The following BID variants were observed in gnomAD, a reference collection of about 807,000 sequenced individuals.
BID encodes BH3-interacting domain death agonist.
BID carries 19 observed loss-of-function variants against 17.4 expected under a neutral mutation model. The ratio of observed to expected loss-of-function variants is 1.09; its 90% CI spans 0.76 to 1.60. BID has a LOEUF of 1.60. Ranked by LOEUF, BID falls within the 40% of genes most tolerant of loss-of-function variation. BID has a pLI of 0.00. For synonymous variants in BID, 108 were observed against 102.8 expected, an observed-to-expected ratio of 1.05 and a Z score of -0.31; for missense variants, 226 against 256.0, an observed-to-expected ratio of 0.88 and a Z score of 0.80.
At chr22:17,763,963 C>A (rs2145916196) in intron 1 of BID, among the ~76,000 whole-genome samples, 1 of 151,878 alleles carries the variant, frequency 6.6e-6, no homozygotes, top group South Asian at 2.1e-4. Context: ...GGAAACACAA[C>A]CAAAACTCCC....
chr22:17,771,464 T>C (rs915339303), intron 1 of BID, among the ~76,000 whole-genome samples: 10 of 130,696 alleles, frequency 7.7e-5, no homozygotes, highest in African/African-American at 2.4e-4. Context: ...ATTCAAGGAG[T>C]GCGGCGGTGC....
At chr22:17,768,872 CA>C (rs56172842) in intron 1 of BID, among the ~76,000 whole-genome samples, 16,108 of 73,706 alleles carry the variant, frequency 0.22, 1,716 homozygotes, top group East Asian at 0.43. Flanking sequence ...GACTCCGTCT[CA>C]AAAAAAAAAA....
chr22:17,739,720 G>A (rs141302967), intron 3 of BID: 55 of 598,608 alleles, frequency 9.2e-5, no homozygotes, highest in African/African-American at 7.0e-4. Flanking sequence ...CCAGGCTCCC[G>A]CACACAGGCA....
intron 5 of BID, among the ~76,000 whole-genome samples, chr22:17,737,056 T>C (rs908376281): frequency 5.3e-5 from 8 of 152,250 alleles, no homozygotes; most frequent in Non-Finnish European, 1.0e-4. Flanking sequence ...CCGCCTGCCT[T>C]GGCCTCCCAA....
chr22:17,772,281 T>C (rs938133840), intron 1 of BID, among the ~76,000 whole-genome samples: 11 of 152,242 alleles, frequency 7.2e-5, no homozygotes. Context: ...GTCCGCCAGG[T>C]ATGGCAGCCA....
Position 17,748,208 on chromosome 22 carries a change from CA to C in BID, c.12+1896del, listed in dbSNP as rs1308392736. On this transcript the variant is annotated intron_variant, in intron 2 of 5. Coordinates refer to ENST00000622694, the MANE Select transcript of BID (RefSeq NM_001196.4). ...TGGGCGACAGAGCAAAACTGCGTCTCAAAAAAATAATAATAATAAGGCCGGG... is the reference window on the plus strand; with the variant it reads ...TGGGCGACAGAGCAAAACTGCGTCTCAAAAAATAATAATAATAAGGCCGGG... Among the ~76,000 whole-genome samples the C allele has an allele frequency of 2.2e-4, 25 of 114,636 alleles. No individual in the cohort carries two copies. The Admixed American group carries it at 2.2e-3, about 10-fold the overall frequency. 75.2% of individuals were successfully genotyped at this position (114,636 alleles called of 152,430 possible). A position where few individuals can be genotyped will look rare whatever the true frequency, so the allele number is the denominator to read the frequency against.
intron 2 of BID, among the ~76,000 whole-genome samples, chr22:17,749,044 G>C (rs2061517196): frequency 6.6e-6 from 1 of 152,252 alleles, no homozygotes; most frequent in South Asian, 2.1e-4. Flanking sequence ...GGCAGCTTGA[G>C]AACCTCCTGG....
At chr22:17,747,543 GC>G (rs1168846311) in intron 2 of BID, among the ~76,000 whole-genome samples, 1 of 151,926 alleles carries the variant, frequency 6.6e-6, no homozygotes, top group African/African-American at 2.4e-5. Flanking sequence ...CTGGTCTGGA[GC>G]TCTTGACCTC....
chr22:17,740,431 AC>A (rs2061451233), intron 3 of BID: 2 of 375,338 alleles, frequency 5.3e-6, no homozygotes, highest in Non-Finnish European at 9.5e-6. Context: ...TCTACAAGAA[AC>A]TTTTTTTTTT....
chr22:17,767,223 C>CAAA (rs36077043), intron 1 of BID, among the ~76,000 whole-genome samples: 2,061 of 145,770 alleles, frequency 0.014, 35 homozygotes, highest in African/African-American at 0.042. Context: ...GATTCCATCT[C>CAAA]AAAAAAAAAA....
At chr22:17,750,233 C>A (rs8190287) in intron 1 of BID, 59 bp from the exon 2 acceptor site, 16 of 1,483,752 alleles carry the variant, frequency 1.1e-5, no homozygotes, top group Admixed American at 1.9e-5. Flanking sequence ...CAGGACCCCT[C>A]GGGAGGACGA....
intron 5 of BID, among the ~76,000 whole-genome samples, 190 bp from the exon 6 acceptor site, chr22:17,735,781 G>T (rs1472046143): frequency 1.3e-5 from 2 of 152,026 alleles, no homozygotes; most frequent in African/African-American, 4.8e-5. Context: ...CGTTCAGGCG[G>T]TGAGGTGGGT....
intron 5 of BID, among the ~76,000 whole-genome samples, chr22:17,737,262 C>T (rs2061426747): frequency 6.6e-6 from 1 of 152,110 alleles, no homozygotes; most frequent in Non-Finnish European, 1.5e-5. Flanking sequence ...TAGACTGTGA[C>T]TTGTAATACC....
At chr22:17,766,188 T>G in intron 1 of BID, among the ~76,000 whole-genome samples, 1 of 151,546 alleles carries the variant, frequency 6.6e-6, no homozygotes, top group East Asian at 1.9e-4. Flanking sequence ...CCTCCCAAAT[T>G]GCTAGGATTA....
chr22:17,751,857 G>C (rs1438433235), intron 1 of BID, among the ~76,000 whole-genome samples: 1 of 152,196 alleles, frequency 6.6e-6, no homozygotes, highest in Non-Finnish European at 1.5e-5. Flanking sequence ...GCCATCTGCC[G>C]GCTCCACAGC....
rs1317055353 is a variant in BID, at chr22:17,769,136, C to A, written c.-59+5245G>T. Among the ~76,000 whole-genome samples, 1 of 152,216 alleles carries A rather than the reference C, an allele frequency of 6.6e-6. No individual in the cohort carries two copies. Among genetic ancestry groups the A allele is most frequent in the Non-Finnish European group, 1.5e-5 (1 of 68,038 alleles). On this transcript the variant is annotated intron_variant, in intron 1 of 5. Transcript: ENST00000622694. The surrounding 1 kb of genome is among the most constrained non-coding windows in gnomAD (Gnocchi z 4.8). ...ATCCCAGGCAGAGTCCAAGTCAGGG[C>A]AGAGCCTCACAGAGCACAGCAGGGC...
At chr22:17,771,106 C>A (rs2061715836) in intron 1 of BID, among the ~76,000 whole-genome samples, 1 of 152,166 alleles carries the variant, frequency 6.6e-6, no homozygotes, top group African/African-American at 2.4e-5. Flanking sequence ...ATCTTTCCCC[C>A]ACTTTTTTTT....
At chr22:17,760,344 C>G (rs774161119) in intron 1 of BID, among the ~76,000 whole-genome samples, 1 of 145,838 alleles carries the variant, frequency 6.9e-6, no homozygotes, top group Non-Finnish European at 1.5e-5. Flanking sequence ...CCCAGCTACT[C>G]GAGAGGCTGA....
intron 2 of BID, among the ~76,000 whole-genome samples, chr22:17,747,191 A>G (rs2061500359): frequency 6.6e-6 from 1 of 152,184 alleles, no homozygotes; most frequent in Non-Finnish European, 1.5e-5. Context: ...TCCTGTCTGG[A>G]CCAGTGCCTC....
Sources: gnomAD v4.1 joint callset for allele counts (sites outside exome capture counted in the v4.1 genomes callset) on GRCh38, gnomAD v4.1.1 for gene constraint, Gnocchi (gnomAD v3.1) non-coding constraint, MANE v1.5 for transcripts, NCBI Gene and HGNC (gene_info 2026-07-23, HGNC 2026-07-21) for gene names.